MAGI2: variants seen among roughly 807,000 people sequenced by gnomAD.
The protein encoded by MAGI2 is membrane-associated guanylate kinase, WW and PDZ domain-containing protein 2.
Under a neutral mutation model 133.3 loss-of-function variants are expected in MAGI2, and 35 were observed. That is an observed-to-expected ratio of 0.26 (90% confidence interval 0.20 to 0.35). The LOEUF (loss-of-function observed/expected upper bound fraction) is 0.35, where lower values mean the gene tolerates loss of function less well. Ranked by LOEUF, MAGI2 falls within the 10% of genes least tolerant of loss-of-function variation. The pLI is 1.00. For synonymous variants in MAGI2, 729 were observed against 710.6 expected, an observed-to-expected ratio of 1.03 and a Z score of -0.41; for missense variants, 1,636 against 1,863.4, an observed-to-expected ratio of 0.88 and a Z score of 2.25.
chr7:78,707,945 T>C (rs1818817285), intron 2 of MAGI2, among the ~76,000 whole-genome samples: 1 of 152,140 alleles, frequency 6.6e-6, no homozygotes, highest in South Asian at 2.1e-4. Flanking sequence ...TAGTCCTTTA[T>C]CTCTTAAAAT....
intron 2 of MAGI2, among the ~76,000 whole-genome samples, chr7:78,673,705 G>A (rs184433358): frequency 3.7e-4 from 56 of 152,178 alleles, no homozygotes; most frequent in African/African-American, 1.3e-3. Flanking sequence ...GCGGCGGGGA[G>A]GGGGGCAGGC....
intron 2 of MAGI2, among the ~76,000 whole-genome samples, chr7:78,637,058 TA>T (rs1350049877): frequency 6.6e-6 from 1 of 152,026 alleles, no homozygotes; most frequent in Non-Finnish European, 1.5e-5. Context: ...GAACCCAAAA[TA>T]AAAACAGTGT....
chr7:78,256,891 A>G (rs1420446514), intron 9 of MAGI2, among the ~76,000 whole-genome samples: 1 of 152,210 alleles, frequency 6.6e-6, no homozygotes, highest in Non-Finnish European at 1.5e-5. Context: ...CACATTCTCT[A>G]TGCTTCTTTT....
At chr7:79,029,141 A>C (rs1268077081) in intron 1 of MAGI2, among the ~76,000 whole-genome samples, 1 of 152,152 alleles carries the variant, frequency 6.6e-6, no homozygotes, top group Non-Finnish European at 1.5e-5. Context: ...AAAAACAACT[A>C]TTCTGCATAA....
intron 3 of MAGI2, 139 bp from the exon 4 acceptor site, chr7:78,521,784 GGTTTTCTATC>G: frequency 3.2e-6 from 2 of 633,140 alleles, no homozygotes; most frequent in South Asian, 2.1e-5. Context: ...ATATATATAT[GGTTTTCTATC>G]TATGTGTCTC....
chr7:79,013,135 A>C (rs532556593), intron 1 of MAGI2, among the ~76,000 whole-genome samples: 5 of 152,290 alleles, frequency 3.3e-5, no homozygotes, highest in Admixed American at 1.3e-4. Flanking sequence ...TCCCTATAAA[A>C]TATTTGCTAA....
At chr7:79,050,169 C>T (rs574692377) in intron 1 of MAGI2, among the ~76,000 whole-genome samples, 8 of 152,080 alleles carry the variant, frequency 5.3e-5, no homozygotes, top group African/African-American at 1.2e-4. Flanking sequence ...GTTGTTTTCT[C>T]ATGAATACAT....
intron 2 of MAGI2, among the ~76,000 whole-genome samples, chr7:78,714,916 A>G (rs975779128): frequency 6.6e-6 from 1 of 152,200 alleles, no homozygotes; most frequent in Non-Finnish European, 1.5e-5. Context: ...CAGCTTTTTT[A>G]TTTCTAAGGA....
intron 1 of MAGI2, among the ~76,000 whole-genome samples, chr7:79,028,705 C>A (rs1810271556): frequency 6.6e-6 from 1 of 152,114 alleles, no homozygotes; most frequent in African/African-American, 2.4e-5. Context: ...TTCTCTCAGT[C>A]ATGACAAACA....
chr7:79,404,414 C>T (rs1449333528), intron 1 of MAGI2, among the ~76,000 whole-genome samples: 5 of 152,122 alleles, frequency 3.3e-5, no homozygotes, highest in Non-Finnish European at 7.4e-5. Flanking sequence ...TAGGTCACTG[C>T]AGCCTTGAAC....
intron 3 of MAGI2, among the ~76,000 whole-genome samples, chr7:78,575,433 G>A (rs1321245857): frequency 6.6e-6 from 1 of 152,050 alleles, no homozygotes; most frequent in African/African-American, 2.4e-5. Context: ...AATGTATATA[G>A]ATATCAAGGA....
At chr7:78,387,679 C>T (rs892930035) in intron 6 of MAGI2, among the ~76,000 whole-genome samples, 1 of 152,144 alleles carries the variant, frequency 6.6e-6, no homozygotes, top group Non-Finnish European at 1.5e-5. Context: ...GTAATCCCAG[C>T]ACTTTGAGAG....
chr7:78,531,798 C>T (rs554028539), intron 3 of MAGI2, among the ~76,000 whole-genome samples: 6 of 152,038 alleles, frequency 3.9e-5, no homozygotes, highest in Admixed American at 6.5e-5. Context: ...TATAAAATTG[C>T]GAAGAAATTA....
intron 2 of MAGI2, among the ~76,000 whole-genome samples, chr7:78,629,541 T>A (rs1383363042): frequency 3.3e-5 from 5 of 152,194 alleles, no homozygotes. Context: ...TTCCTTTAGT[T>A]CACCTTCATG....
At chr7:78,568,958 G>A (rs570090497) in intron 3 of MAGI2, among the ~76,000 whole-genome samples, 8 of 151,940 alleles carry the variant, frequency 5.3e-5, no homozygotes, top group Non-Finnish European at 8.8e-5. Flanking sequence ...TCTTCCCTCA[G>A]GCCCTTTCAC....
At chr7:78,397,596 G>A (rs976034361) in intron 6 of MAGI2, among the ~76,000 whole-genome samples, 1 of 152,084 alleles carries the variant, frequency 6.6e-6, no homozygotes, top group African/African-American at 2.4e-5. Flanking sequence ...TAGAGCTAAG[G>A]TATGACTTTG....
At chr7:79,015,818 G>C (rs1046658516) in intron 1 of MAGI2, among the ~76,000 whole-genome samples, 1 of 152,100 alleles carries the variant, frequency 6.6e-6, no homozygotes, top group Non-Finnish European at 1.5e-5. Flanking sequence ...TGTTATACAT[G>C]TACAGCATCC....
chr7:79,134,481 T>C (rs1261617088), intron 1 of MAGI2, among the ~76,000 whole-genome samples: 1 of 152,156 alleles, frequency 6.6e-6, no homozygotes, highest in Non-Finnish European at 1.5e-5. Context: ...TTCAGGAGGT[T>C]GGTATAATGT....
chr7:78,806,820 A>G (rs1788615760), intron 2 of MAGI2, among the ~76,000 whole-genome samples: 1 of 151,562 alleles, frequency 6.6e-6, no homozygotes, highest in Non-Finnish European at 1.5e-5. Flanking sequence ...GTGAGCCATA[A>G]TCATGCCACT....
Sources: gnomAD v4.1 joint callset for allele counts (sites outside exome capture counted in the v4.1 genomes callset) on GRCh38, gnomAD v4.1.1 for gene constraint, MANE v1.5 for transcripts, NCBI Gene and HGNC (gene_info 2026-07-23, HGNC 2026-07-21) for gene names.